EIF4A2: variants seen among roughly 807,000 people sequenced by gnomAD.
EIF4A2 encodes the protein eukaryotic translation initiation factor 4A2, also known as eukaryotic initiation factor 4A-II.
In EIF4A2, 9 loss-of-function variants were observed where a neutral mutation model predicts 50.6. The ratio of observed to expected loss-of-function variants is 0.18; its 90% CI spans 0.11 to 0.31. The LOEUF is 0.31. Ranked by LOEUF, EIF4A2 falls within the 10% of genes least tolerant of loss-of-function variation. EIF4A2 has a pLI of 1.00. For synonymous variants in EIF4A2, 215 were observed against 164.4 expected, an observed-to-expected ratio of 1.31 and a Z score of -2.35; for missense variants, 182 against 501.8, an observed-to-expected ratio of 0.36 and a Z score of 6.09.
At chr3:186,786,427 G>C (rs1471010948) in intron 6 of EIF4A2, 75 bp from the exon 7 acceptor site, 5 of 1,573,858 alleles carry the variant, frequency 3.2e-6, no homozygotes, top group Non-Finnish European at 1.7e-6. Context: ...GTAAGACAGA[G>C]ACGCTTGGCT....
intron 4 of EIF4A2, chr3:186,785,475 T>G: frequency 6.5e-6 from 2 of 306,938 alleles, no homozygotes; most frequent in Non-Finnish European, 1.2e-5. Flanking sequence ...ATATTGGCTT[T>G]GAAGTAAACC....
At chr3:186,785,258 G>A in intron 4 of EIF4A2, 157 bp downstream of exon 4, 1 of 1,061,452 alleles carries the variant, frequency 9.4e-7, no homozygotes, top group Non-Finnish European at 1.3e-6. Context: ...AGTTTTAAAA[G>A]AACTGGGTAT....
At chr3:186,784,130 C>T in intron 1 of EIF4A2, 1 of 513,604 alleles carries the variant, frequency 1.9e-6, no homozygotes, top group Non-Finnish European at 3.5e-6. Context: ...GCCGCTCCGC[C>T]CGCGTCAATC....
rs771414497 is a variant in EIF4A2, at chr3:186,786,483, A to G, written c.628-19A>G. On this transcript the variant is annotated intron_variant, in intron 6 of 10. Transcript: ENST00000323963. ...ATTAATGTGTAAGTTGTGCTACAAC[A>G]TAATTTTCTCTTTTTAAGGTTGTGT... 16 of 1,609,796 alleles carry G rather than the reference A, an allele frequency of 9.9e-6. No homozygotes were observed. Among genetic ancestry groups the G allele is most frequent in the South Asian group, 3.3e-5 (3 of 90,578 alleles).
intron 10 of EIF4A2, chr3:186,788,099 C>A: frequency 1.4e-6 from 1 of 699,524 alleles, no homozygotes; most frequent in Non-Finnish European, 2.3e-6. Context: ...TTTTTTTCCA[C>A]AATTGTTGGT....
intron 1 of EIF4A2, chr3:186,784,064 G>A: frequency 2.3e-6 from 1 of 433,930 alleles, no homozygotes. Flanking sequence ...CGGCCACGGC[G>A]CGGAGGCGAC....
chr3:186,785,031 A>T lies in EIF4A2; in HGVS notation c.278A>T (p.Gln93Leu). The change falls in exon 4 of 11, where the codon CAA (glutamine) becomes CTA (leucine). Residue 93 changes from glutamine to leucine, a missense_variant. Physicochemically the swap from Gln to Leu is moderately radical, Grantham distance 113. Around this residue, in one of 7 missense-constraint regions of EIF4A2, gnomAD observed 113 missense variants for 357.3 expected, o/e 0.32. Transcript: ENST00000323963. ...KTATFAISILQQLEIEFKETQ... is the reference protein window; with the variant it reads ...KTATFAISILLQLEIEFKETQ... Reference sequence around the variant, plus strand: ...GCCACATTTGCTATTTCCATCCTGCAACAGTTGGAGATTGAGTTCAAGGAG... The same window carrying T: ...GCCACATTTGCTATTTCCATCCTGCTACAGTTGGAGATTGAGTTCAAGGAG... 1 of 1,614,200 alleles carries T rather than the reference A, an allele frequency of 6.2e-7. No homozygotes were observed. Among genetic ancestry groups the T allele is most frequent in the Non-Finnish European group, 8.5e-7 (1 of 1,180,034 alleles).
chr3:186,785,267 A>G, intron 4 of EIF4A2, 166 bp downstream of exon 4: 6 of 951,272 alleles, frequency 6.3e-6, no homozygotes, highest in Admixed American at 2.8e-5. Context: ...AGAACTGGGT[A>G]TGCAGGTATG....
intron 1 of EIF4A2, 130 bp downstream of exon 1, chr3:186,783,769 C>T (rs975291997): frequency 2.1e-6 from 3 of 1,454,690 alleles, no homozygotes; most frequent in African/African-American, 2.8e-5. Context: ...ACTCCTGTGC[C>T]CTTCCAGAAG....
At chr3:186,783,999 TGGG>T (rs1467241479) in intron 1 of EIF4A2, 1 of 407,676 alleles carries the variant, frequency 2.5e-6, no homozygotes, top group Non-Finnish European at 4.5e-6. Flanking sequence ...CCACACGAGT[TGGG>T]GGAGGGTCCT....
intron 10 of EIF4A2, 145 bp from the exon 11 acceptor site, chr3:186,788,980 T>A (rs572092599): frequency 1.7e-6 from 2 of 1,164,400 alleles, no homozygotes; most frequent in Admixed American, 3.2e-5. Context: ...TCTCTAGATA[T>A]GCATTAGCAG....
At chr3:186,786,950 T>C in intron 7 of EIF4A2, 177 bp from the exon 8 acceptor site, 1 of 1,022,890 alleles carries the variant, frequency 9.8e-7, no homozygotes. Flanking sequence ...GTATTTTGGG[T>C]AGAGACAGTT....
At position 186,789,716 on chromosome 3, in the gene EIF4A2, T is replaced by C. The variant is rs2108464604; in HGVS notation, c.*447T>C. 2.5e-6 allele frequency: 1 copy of C among 396,268 alleles called. No individual in the cohort carries two copies. Among genetic ancestry groups the C allele is most frequent in the East Asian group, 4.0e-5 (1 of 24,922 alleles). 24.5% of individuals were successfully genotyped at this position (396,268 alleles called of 1,614,324 possible). On this transcript the variant is annotated 3_prime_UTR_variant, in exon 11 of 11. Transcript: ENST00000323963. ...AAAATTTTTTTAGAAAGCATTTGAA[T>C]GCATTTTGTTTGGTATTGTATTTAT...
At chr3:186,788,712 A>AT (rs1721933095) in intron 10 of EIF4A2, 2 of 230,804 alleles carry the variant, frequency 8.7e-6, no homozygotes, top group Non-Finnish European at 1.7e-5. Context: ...CCTTTGCAGC[A>AT]TTTGTTTACA....
At position 186,784,954 on chromosome 3, in the gene EIF4A2, T is replaced by G. The variant is rs199724027; in HGVS notation, c.209-8T>G. The G allele has an allele frequency of 2.5e-6, 4 of 1,614,224 alleles. No individual in the cohort carries two copies. The highest frequency in any genetic ancestry group is 3.4e-6 in the Non-Finnish European group (4 of 1,180,036). On this transcript the variant is annotated splice_polypyrimidine_tract_variant and splice_region_variant and intron_variant, in intron 3 of 10. Coordinates refer to ENST00000323963, the MANE Select transcript of EIF4A2 (RefSeq NM_001967.4). ...GGGATCGGTAAATGTGTATCCTACT[T>G]TTTTTAGGGTATGATGTGATTGCTC...
intron 3 of EIF4A2, 80 bp downstream of exon 3, chr3:186,784,776 G>T: frequency 1.2e-6 from 2 of 1,606,474 alleles, no homozygotes; most frequent in Non-Finnish European, 8.5e-7. Flanking sequence ...TGGGGGACTA[G>T]CACCTGTTTG....
chr3:186,785,428 G>C (rs1318993822), intron 4 of EIF4A2: 2 of 371,838 alleles, frequency 5.4e-6, no homozygotes, highest in African/African-American at 4.1e-5. Context: ...AGTTCGTGAT[G>C]CATCTGTTGC....
chr3:186,786,075 A>T, intron 5 of EIF4A2, 24 bp downstream of exon 5: 2 of 1,599,834 alleles, frequency 1.3e-6, no homozygotes, highest in Non-Finnish European at 1.7e-6. Flanking sequence ...TTAAGAGAGT[A>T]TTTTTTTTAA....
chr3:186,789,754 TTAATTAGTGC>T lies in EIF4A2; in HGVS notation c.*489_*498del. The stretch of plus-strand genomic sequence containing the variant: ...GTATTGTATTTATTCAATAAAGTAT[TTAATTAGTGC>T]TAAGTGTGAACTGGACCCTGTTGCT... On this transcript the variant is annotated 3_prime_UTR_variant, in exon 11 of 11. Transcript: ENST00000323963. 2.1e-6 allele frequency: 1 copy of T among 485,812 alleles called. No homozygotes were observed. Among genetic ancestry groups the T allele is most frequent in the Non-Finnish European group, 3.6e-6 (1 of 274,646 alleles). 30.1% of individuals were successfully genotyped at this position (485,812 alleles called of 1,614,324 possible).
Sources: gnomAD v4.1 joint callset for allele counts on GRCh38, gnomAD v4.1.1 for gene constraint, gnomAD v4.1.1 regional missense constraint, MANE v1.5 for transcripts, NCBI Gene and HGNC (gene_info 2026-07-23, HGNC 2026-07-21) for gene names.